Variants in PCDHA5 observed in about 807,000 individuals in gnomAD.
PCDHA5 encodes the protein protocadherin alpha-5.
Under a neutral mutation model 61.6 loss-of-function variants are expected in PCDHA5, and 43 were observed. The ratio of observed to expected loss-of-function variants is 0.70; its 90% CI spans 0.55 to 0.90. The LOEUF is 0.90. PCDHA5 is among the 40% of genes least tolerant of loss of function. The pLI is 0.00. For synonymous variants in PCDHA5, 627 were observed against 543.9 expected, an observed-to-expected ratio of 1.15 and a Z score of -2.13; for missense variants, 1,298 against 1,222.7, an observed-to-expected ratio of 1.06 and a Z score of -0.92.
At chr5:140,932,728 T>C (rs2088582843) in intron 1 of PCDHA5, among the ~76,000 whole-genome samples, 1 of 151,886 alleles carries the variant, frequency 6.6e-6, no homozygotes, top group African/African-American at 2.4e-5. Context: ...TTGTATAATA[T>C]AGACCCTCAA....
chr5:140,967,810 C>T, intron 1 of PCDHA5: 1 of 1,614,176 alleles, frequency 6.2e-7, no homozygotes, highest in Non-Finnish European at 8.5e-7. Context: ...TGGCAGGTCA[C>T]TGCAAGGTGC....
chr5:140,823,033 T>C lies in PCDHA5; in HGVS notation c.1258T>C (p.Tyr420His), dbSNP rs2150121550. 1 of 1,614,218 alleles carries C rather than the reference T, an allele frequency of 6.2e-7. No individual in the cohort carries two copies. Among genetic ancestry groups the C allele is most frequent in the South Asian group, 1.1e-5 (1 of 91,088 alleles). ...CCTGGACCGCGAGAGCGTGTCGGTC[T>C]ATGAGCTGGTGGTGACCGCGCGGGA... The part of the protein sequence containing the change: ...SALDRESVSV[Y>H]ELVVTARDGG... Residue 420 changes from tyrosine to histidine, a missense_variant, in exon 1 of 4, where the codon TAT (tyrosine) becomes CAT (histidine). By Grantham distance (83) the Tyr-to-His change is moderately conservative. Transcript: ENST00000529859.
rs1562773759 is a variant in PCDHA5 at position 140,882,388 on chromosome 5, A to G, written c.2352+58261A>G. 2.5e-6 allele frequency: 4 copies of G among 1,614,158 alleles called. No individual in the cohort carries two copies. The African/African-American group carries it at 4.0e-5, about 16-fold the overall frequency. Reference sequence around the variant, plus strand: ...ACTACTCCGTCCCCGAGGAAGCAAAACACGGCACCTTCGTGGGCCGCATCG... The same window carrying G: ...ACTACTCCGTCCCCGAGGAAGCAAAGCACGGCACCTTCGTGGGCCGCATCG... On this transcript the variant is annotated intron_variant, in intron 1 of 3. Transcript: ENST00000529859.
chr5:140,927,769 G>A (rs1471080821), intron 1 of PCDHA5: 4 of 1,614,084 alleles, frequency 2.5e-6, no homozygotes, highest in African/African-American at 2.7e-5. Context: ...AAGTGGGGAG[G>A]TGCAAGTAGC....
chr5:140,828,613 T>C (rs2150157360), intron 1 of PCDHA5: 18 of 1,614,128 alleles, frequency 1.1e-5, no homozygotes, highest in Admixed American at 1.7e-5. Context: ...AACTCAGTTC[T>C]AGCGAATACT....
chr5:140,865,866 C>G (rs1004604196), intron 1 of PCDHA5: 1 of 152,128 alleles, frequency 6.6e-6, no homozygotes, highest in Non-Finnish European at 1.5e-5. Context: ...AACATGGTCT[C>G]GGCTAGGAAA....
At chr5:140,973,858 C>G (rs1277402007) in intron 1 of PCDHA5, among the ~76,000 whole-genome samples, 1 of 152,156 alleles carries the variant, frequency 6.6e-6, no homozygotes, top group Non-Finnish European at 1.5e-5. Flanking sequence ...AATTTTTGCT[C>G]TCAATGAGAG....
intron 1 of PCDHA5, chr5:140,842,813 C>T (rs2150188208): frequency 2.5e-6 from 4 of 1,593,972 alleles, no homozygotes; most frequent in Non-Finnish European, 3.4e-6. Flanking sequence ...TGTGGAGCGG[C>T]GGGTGGGCGA....
intron 1 of PCDHA5, among the ~76,000 whole-genome samples, chr5:140,975,810 A>T (rs1310331964): frequency 7.4e-6 from 1 of 134,690 alleles, no homozygotes; most frequent in African/African-American, 2.5e-5. Context: ...TTATAATTTT[A>T]ATAGGAACTG....
Position 140,926,930 on chromosome 5 carries a change from T to A in PCDHA5, c.2353-52019T>A, listed in dbSNP as rs1554203828. On this transcript the variant is annotated intron_variant, in intron 1 of 3. Coordinates refer to ENST00000529859, the MANE Select transcript of PCDHA5 (RefSeq NM_018908.3). ...GGGGTGGCAGTTTTATGTTTGTGGG[T>A]TTCCTGCGGCGCTGCAGCGGGACAG... 6 of 1,575,058 alleles carry A rather than the reference T, an allele frequency of 3.8e-6. No individual in the cohort carries two copies. The East Asian group carries it at 1.4e-4, about 35-fold the overall frequency.
intron 1 of PCDHA5, chr5:140,967,436 C>T (rs781894469): frequency 6.2e-7 from 1 of 1,613,496 alleles, no homozygotes; most frequent in Non-Finnish European, 8.5e-7. Context: ...AGCCTTGCAC[C>T]ACCTGGTTCT....
intron 1 of PCDHA5, among the ~76,000 whole-genome samples, chr5:140,916,814 G>A (rs1201189287): frequency 3.3e-5 from 5 of 152,112 alleles, no homozygotes; most frequent in African/African-American, 1.2e-4. Context: ...TAGGTCATGT[G>A]CCACCCCTAT....
chr5:140,838,021 A>T (rs190658901), intron 1 of PCDHA5, among the ~76,000 whole-genome samples: 1 of 151,324 alleles, frequency 6.6e-6, no homozygotes, highest in African/African-American at 2.4e-5. Flanking sequence ...AAGTGATTAC[A>T]GTAGAAACCT....
chr5:140,880,147 A>G (rs986031880), intron 1 of PCDHA5, among the ~76,000 whole-genome samples: 1 of 152,254 alleles, frequency 6.6e-6, no homozygotes, highest in African/African-American at 2.4e-5. Context: ...AAAGTGCAAT[A>G]TATCAAGTAT....
intron 1 of PCDHA5, chr5:140,854,178 A>AAAAATT: frequency 1.9e-6 from 1 of 531,180 alleles, no homozygotes; most frequent in Non-Finnish European, 2.4e-6. Flanking sequence ...AAAAAAAAAG[A>AAAAATT]GTAGTTTAAC....
intron 1 of PCDHA5, among the ~76,000 whole-genome samples, chr5:140,945,974 A>C (rs887994156): frequency 6.6e-5 from 10 of 152,146 alleles, no homozygotes; most frequent in African/African-American, 2.2e-4. Flanking sequence ...AATAAAAGCA[A>C]AAATAGACTA....
chr5:140,952,571 C>G (rs571628495), intron 1 of PCDHA5, among the ~76,000 whole-genome samples: 2 of 152,252 alleles, frequency 1.3e-5, no homozygotes, highest in East Asian at 3.9e-4. Flanking sequence ...ACTTCGGTCC[C>G]AATCATTCAA....
chr5:140,969,125 C>T (rs2096298194), intron 1 of PCDHA5: 3 of 1,614,152 alleles, frequency 1.9e-6, no homozygotes, highest in East Asian at 2.2e-5. Flanking sequence ...GAATGGCTCC[C>T]TCACCAAGAC....
At chr5:140,869,703 G>A in intron 1 of PCDHA5, 1 of 1,613,428 alleles carries the variant, frequency 6.2e-7, no homozygotes, top group Non-Finnish European at 8.5e-7. Context: ...AGAAGTCTCT[G>A]GATAGAGAGA....
Sources: gnomAD v4.1 joint callset for allele counts (sites outside exome capture counted in the v4.1 genomes callset) on GRCh38, gnomAD v4.1.1 for gene constraint, MANE v1.5 for transcripts, NCBI Gene and HGNC (gene_info 2026-07-23, HGNC 2026-07-21) for gene names.